The following EXPH5 variants were observed in gnomAD, a reference collection of about 807,000 sequenced individuals.
EXPH5 encodes exophilin-5.
A neutral mutation model predicts 41.1 loss-of-function variants in EXPH5; 42 were observed. The observed-to-expected ratio is 1.02, with a 90% CI of 0.80 to 1.32. The LOEUF is 1.32. Among genes scored for constraint, EXPH5 ranks in the 40% most tolerant of loss-of-function variants. The pLI is 0.00. For missense variants in EXPH5, 2,298 were observed against 2,314.5 expected, an observed-to-expected ratio of 0.99 and a Z score of 0.15; for synonymous variants, 798 against 833.5, an observed-to-expected ratio of 0.96 and a Z score of 0.73.
At chr11:108,540,018 T>C (rs1024173465) in intron 2 of EXPH5, among the ~76,000 whole-genome samples, 1 of 152,050 alleles carries the variant, frequency 6.6e-6, no homozygotes, top group African/African-American at 2.4e-5. Flanking sequence ...CATCAACATA[T>C]ACAAAATCCA....
intron 3 of EXPH5, among the ~76,000 whole-genome samples, chr11:108,537,142 C>G (rs777127839): frequency 6.6e-6 from 1 of 152,176 alleles, no homozygotes. Flanking sequence ...GAATGTATGA[C>G]CTGATTTATA....
At chr11:108,530,306 G>T (rs1165290100) in intron 3 of EXPH5, among the ~76,000 whole-genome samples, 1 of 152,136 alleles carries the variant, frequency 6.6e-6, no homozygotes, top group Admixed American at 6.5e-5. Context: ...ATATGACTCA[G>T]ATAGGGACCC....
At chr11:108,555,584 G>A (rs2093986071) in intron 1 of EXPH5, among the ~76,000 whole-genome samples, 1 of 152,096 alleles carries the variant, frequency 6.6e-6, no homozygotes, top group Non-Finnish European at 1.5e-5. Context: ...GTTTGGTTGT[G>A]TCCCCACCCA....
At chr11:108,584,427 A>T (rs1035800992) in intron 1 of EXPH5, among the ~76,000 whole-genome samples, 1 of 152,086 alleles carries the variant, frequency 6.6e-6, no homozygotes, top group African/African-American at 2.4e-5. Context: ...GCATTGAGCC[A>T]AGATTGTGCC....
chr11:108,590,984 T>C (rs2136129005), intron 1 of EXPH5, among the ~76,000 whole-genome samples: 1 of 152,336 alleles, frequency 6.6e-6, no homozygotes. Context: ...TTCTTCTTAG[T>C]TGTCTTGCAG....
At chr11:108,551,626 C>T (rs575191689) in intron 1 of EXPH5, among the ~76,000 whole-genome samples, 5 of 152,044 alleles carry the variant, frequency 3.3e-5, no homozygotes, top group African/African-American at 9.7e-5. Flanking sequence ...TGTTACACCT[C>T]GTTCTCCTTC....
rs533649742 is a variant in EXPH5, at chr11:108,507,478, T to C, written c.*2059A>G. ...AACCAAGCAAGATAAAATCCACTCA[T>C]GTTGACTATCATAGTATTGAGATCC... On this transcript the variant is annotated 3_prime_UTR_variant, in exon 6 of 6. Coordinates refer to ENST00000265843, the MANE Select transcript of EXPH5 (RefSeq NM_015065.3). The C allele has an allele frequency of 1.3e-5, 2 of 152,310 alleles. No individual in the cohort carries two copies. The highest frequency in any genetic ancestry group is 6.5e-5 in the Admixed American group (1 of 15,294). The allele number at this position is 152,310 out of a possible 1,614,324, so 9.4% of individuals were successfully genotyped here. A position where few individuals can be genotyped will look rare whatever the true frequency, so the allele number is the denominator to read the frequency against.
chr11:108,565,097 G>A (rs1170106607), intron 1 of EXPH5, among the ~76,000 whole-genome samples: 1 of 151,588 alleles, frequency 6.6e-6, no homozygotes, highest in African/African-American at 2.4e-5. Flanking sequence ...GTAGAGATGG[G>A]GTTTCATCAT....
At chr11:108,606,541 A>C in the EXPH5 span, among the ~76,000 whole-genome samples, 1 of 152,202 alleles carries the variant, frequency 6.6e-6, no homozygotes, top group Non-Finnish European at 1.5e-5. Flanking sequence ...TTTTTTAAAA[A>C]AATGGATTTT....
chr11:108,516,180 G>A (rs1472525040), intron 5 of EXPH5, among the ~76,000 whole-genome samples: 3 of 151,838 alleles, frequency 2.0e-5, no homozygotes, highest in African/African-American at 4.8e-5. Context: ...TTACAAAGAC[G>A]TGAAGTTGCT....
intron 1 of EXPH5, among the ~76,000 whole-genome samples, chr11:108,560,174 G>T (rs1407909067): frequency 6.6e-6 from 1 of 152,166 alleles, no homozygotes; most frequent in Non-Finnish European, 1.5e-5. Context: ...TACTGCTCTT[G>T]GTTCCCATCA....
Position 108,513,986 on chromosome 11 carries a change from A to G in EXPH5, c.1521T>C (p.Phe507=). 6 of 1,611,702 alleles carry G rather than the reference A, an allele frequency of 3.7e-6. No homozygotes were observed. The highest frequency in any genetic ancestry group is 5.1e-6 in the Non-Finnish European group (6 of 1,179,116). ...TATTTGCTTCCATGGAAATCATTTC[A>G]AAGTCTCTGTCAGAAGAACTGAATG... The part of the protein sequence containing the change: ...RKSFSSSDRD[F]EMISMEANSV... The change falls in exon 6 of 6, where the codon TTT becomes TTC. Residue 507 remains phenylalanine (F), a synonymous_variant. Transcript: ENST00000265843.
intron 4 of EXPH5, among the ~76,000 whole-genome samples, chr11:108,520,031 G>A (rs1190016651): frequency 2.0e-5 from 3 of 150,284 alleles, no homozygotes; most frequent in Non-Finnish European, 1.5e-5. Context: ...AGGTCATCTA[G>A]AATAGGGGTC....
rs751024320 is a variant in EXPH5, at chr11:108,508,747, T to C, written c.*790A>G. On this transcript the variant is annotated 3_prime_UTR_variant, in exon 6 of 6. Transcript: ENST00000265843. ...TGGTCAGGTTGCCTGGCCTAAGTCC[T>C]TGGCTTGACTAAAAGCCCTTAATAA... 6.6e-6 allele frequency: 1 copy of C among 152,184 alleles called. No individual in the cohort carries two copies. Among genetic ancestry groups the C allele is most frequent in the Non-Finnish European group, 1.5e-5 (1 of 68,038 alleles). 9.4% of individuals were successfully genotyped at this position (152,184 alleles called of 1,614,324 possible).
Position 108,511,330 on chromosome 11 carries a change from T to C in EXPH5, c.4177A>G (p.Thr1393Ala). ...KERGKKLQSE[T>A]LHTSLMLQRK... ...TGAAGCATCAATGAAGTATGCAGGG[T>C]TTCACTTTGCAACTTTTTGCCTCTT... The change falls in exon 6 of 6, where the codon ACC becomes GCC. Residue 1393 changes from threonine to alanine, a missense_variant. By Grantham distance (58) the Thr-to-Ala change is moderately conservative (BLOSUM62 0). Coordinates refer to ENST00000265843, the MANE Select transcript of EXPH5 (RefSeq NM_015065.3). 1 of 1,583,618 alleles carries C rather than the reference T, an allele frequency of 6.3e-7. No homozygotes were observed. The highest frequency in any genetic ancestry group is 1.4e-5 in the African/African-American group (1 of 73,434).
intron 3 of EXPH5, among the ~76,000 whole-genome samples, chr11:108,535,846 G>T (rs997098562): frequency 6.6e-6 from 1 of 152,162 alleles, no homozygotes; most frequent in South Asian, 2.1e-4. Flanking sequence ...ATAACTGGGG[G>T]TCTGGAACAA....
Position 108,513,744 on chromosome 11 carries a change from G to A in EXPH5, c.1763C>T (p.Ser588Leu), listed in dbSNP as rs966528210. Residue 588 changes from serine to leucine, a missense_variant, in exon 6 of 6, where the codon TCA becomes TTA. Transcript: ENST00000265843. ...GTPNVCSMTG[S>L]SYHVKSSELV... ...CTCACTAGATTTGACGTGATAGCTT[G>A]AACCAGTCATGGAGCAAACATTTGG... 1.2e-6 allele frequency: 2 copies of A among 1,610,898 alleles called. No homozygotes were observed. The highest frequency in any genetic ancestry group is 3.4e-5 in the Admixed American group (2 of 59,608).
At chr11:108,529,257 A>G (rs2093820809) in intron 3 of EXPH5, among the ~76,000 whole-genome samples, 1 of 152,200 alleles carries the variant, frequency 6.6e-6, no homozygotes, top group Non-Finnish European at 1.5e-5. Flanking sequence ...TTCTTTTACT[A>G]TTTGTGTTGC....
Position 108,509,970 on chromosome 11 carries a change from C to T in EXPH5, c.5537G>A (p.Ser1846Asn). Reference protein sequence around the residue: ...GNEFSVNNGYSRRFRSFSELP... With the variant: ...GNEFSVNNGYNRRFRSFSELP... The stretch of plus-strand genomic sequence containing the variant: ...TTCAGAAAAAGATCTGAATCTTCGA[C>T]TGTACCCATTGTTGACAGAGAATTC... Residue 1846 changes from serine to asparagine, a missense_variant, in exon 6 of 6, where the codon AGT becomes AAT. Transcript: ENST00000265843. 6.2e-7 allele frequency: 1 copy of T among 1,613,796 alleles called. No homozygotes were observed. The highest frequency in any genetic ancestry group is 8.5e-7 in the Non-Finnish European group (1 of 1,179,886).
Sources: allele counts gnomAD v4.1 joint callset (sites outside exome capture counted in the v4.1 genomes callset), GRCh38; gene constraint gnomAD v4.1.1; transcripts MANE v1.5; gene names NCBI Gene and HGNC (gene_info 2026-07-23, HGNC 2026-07-21).